Variants in PTPN13 observed in about 807,000 individuals in gnomAD.
PTPN13 encodes the protein protein tyrosine phosphatase non-receptor type 13, also known as tyrosine-protein phosphatase non-receptor type 13.
In PTPN13, 191 loss-of-function variants were observed where a neutral mutation model predicts 284.0. The observed-to-expected ratio is 0.67, with a 90% CI of 0.60 to 0.76. The LOEUF (loss-of-function observed/expected upper bound fraction) is 0.76, where lower values mean the gene tolerates loss of function less well. PTPN13 is among the 30% of genes least tolerant of loss of function. The pLI, the probability that PTPN13 is intolerant of heterozygous loss-of-function variation, is 0.00. For missense variants in PTPN13, 2,797 were observed against 2,939.9 expected, an observed-to-expected ratio of 0.95 and a Z score of 1.12; for synonymous variants, 986 against 1,022.3, an observed-to-expected ratio of 0.96 and a Z score of 0.68.
At chr4:86,624,168 G>A (rs568949186) in intron 1 of PTPN13, among the ~76,000 whole-genome samples, 1 of 152,090 alleles carries the variant, frequency 6.6e-6, no homozygotes, top group East Asian at 1.9e-4. Flanking sequence ...TGACTCTCTT[G>A]TAGCTTTATT....
At chr4:86,654,229 C>T (rs1725465294) in intron 2 of PTPN13, among the ~76,000 whole-genome samples, 1 of 152,116 alleles carries the variant, frequency 6.6e-6, no homozygotes, top group African/African-American at 2.4e-5. Flanking sequence ...ATCAATGAAT[C>T]CAGGAGCTGG....
At chr4:86,631,721 A>T (rs903577911) in intron 1 of PTPN13, among the ~76,000 whole-genome samples, 3 of 152,142 alleles carry the variant, frequency 2.0e-5, no homozygotes, top group African/African-American at 7.2e-5. Context: ...TTCGTACCCG[A>T]TTCAATCAAG....
At chr4:86,787,516 T>C (rs1742075644) in intron 40 of PTPN13, among the ~76,000 whole-genome samples, 1 of 151,152 alleles carries the variant, frequency 6.6e-6, no homozygotes, top group South Asian at 2.1e-4. Flanking sequence ...CCTTTGAACC[T>C]GGCAGACGGA....
chr4:86,684,427 T>C (rs1257628053), intron 3 of PTPN13, among the ~76,000 whole-genome samples: 1 of 152,128 alleles, frequency 6.6e-6, no homozygotes, highest in Admixed American at 6.6e-5. Flanking sequence ...GAAGGAGCGA[T>C]GACAGAAGAA....
intron 3 of PTPN13, among the ~76,000 whole-genome samples, chr4:86,674,928 T>C (rs1057291412): frequency 3.9e-5 from 6 of 152,198 alleles, no homozygotes; most frequent in Non-Finnish European, 7.4e-5. Flanking sequence ...GATTCGAACA[T>C]TGGAAATAGG....
intron 38 of PTPN13, among the ~76,000 whole-genome samples, 195 bp downstream of exon 38, chr4:86,784,753 T>A (rs1028267679): frequency 2.0e-5 from 3 of 152,116 alleles, no homozygotes; most frequent in African/African-American, 7.2e-5. Flanking sequence ...TAATTTTTTT[T>A]AAATGATTGA....
chr4:86,614,309 A>G (rs1720290820), intron 1 of PTPN13, among the ~76,000 whole-genome samples: 1 of 152,168 alleles, frequency 6.6e-6, no homozygotes, highest in African/African-American at 2.4e-5. Flanking sequence ...AGTTTAAATG[A>G]ATTGTTTTTA....
chr4:86,767,085 A>G (rs930933860), intron 27 of PTPN13, among the ~76,000 whole-genome samples: 2 of 151,276 alleles, frequency 1.3e-5, no homozygotes, highest in Non-Finnish European at 2.9e-5. Flanking sequence ...ATGCCTGGCT[A>G]GTTTATTTTT....
At chr4:86,633,626 C>T (rs1231814334) in intron 1 of PTPN13, among the ~76,000 whole-genome samples, 3 of 152,164 alleles carry the variant, frequency 2.0e-5, no homozygotes, top group African/African-American at 7.2e-5. Context: ...GCTATCTAAC[C>T]AGTTCTCAGA....
Position 86,805,267 on chromosome 4 carries a change from T to C in PTPN13, c.6655-12T>C. ...TTATCTCAACAAATTTATTTCCATG[T>C]TTTGCTTACAGAATCTTCAAGAATT... On this transcript the variant is annotated splice_polypyrimidine_tract_variant and intron_variant, in intron 43 of 47. Transcript: ENST00000411767. 6.5e-7 allele frequency: 1 copy of C among 1,533,542 alleles called. No homozygotes were observed. Among genetic ancestry groups the C allele is most frequent in the South Asian group, 1.2e-5 (1 of 84,396 alleles). 95.0% of individuals were successfully genotyped at this position (1,533,542 alleles called of 1,614,324 possible).
chr4:86,622,626 G>A (rs1721390413), intron 1 of PTPN13, among the ~76,000 whole-genome samples: 1 of 152,092 alleles, frequency 6.6e-6, no homozygotes, highest in Admixed American at 6.6e-5. Context: ...CTATTTAAAA[G>A]CCAAACCTAT....
At chr4:86,633,071 G>T (rs189858828) in intron 1 of PTPN13, among the ~76,000 whole-genome samples, 1 of 152,100 alleles carries the variant, frequency 6.6e-6, no homozygotes, top group East Asian at 1.9e-4. Flanking sequence ...CTCCCAAATT[G>T]CTGGGATTAC....
intron 15 of PTPN13, 124 bp from the exon 16 acceptor site, chr4:86,741,510 T>G: frequency 1.2e-6 from 1 of 817,838 alleles, no homozygotes; most frequent in Non-Finnish European, 1.9e-6. Flanking sequence ...GTCTCTCCCA[T>G]AACATGTGGG....
rs755552104 is a variant in PTPN13, at chr4:86,722,237, G to A, written c.1411G>A (p.Gly471Ser). ...PSRQYETPFE[G>S]NLINQEIMLK... ...CAGACAATATGAAACACCCTTTGAA[G>A]GCAACTTAATTAATCAAGAGATCAT... The change falls in exon 10 of 48, where the codon GGC becomes AGC. Residue 471 changes from glycine (G) to serine (S), a missense_variant. Coordinates refer to ENST00000411767, the MANE Select transcript of PTPN13 (RefSeq NM_080683.3). 6.2e-6 allele frequency: 10 copies of A among 1,613,602 alleles called. No homozygotes were observed. The highest frequency in any genetic ancestry group is 8.5e-6 in the Non-Finnish European group (10 of 1,179,668).
At chr4:86,595,470 A>G (rs569792978) in intron 1 of PTPN13, among the ~76,000 whole-genome samples, 6 of 152,304 alleles carry the variant, frequency 3.9e-5, no homozygotes, top group East Asian at 1.9e-4. Context: ...AAATTCTTAC[A>G]AAGTTTAATT....
At chr4:86,702,827 AG>A (rs1247801439) in intron 7 of PTPN13, among the ~76,000 whole-genome samples, 1 of 152,180 alleles carries the variant, frequency 6.6e-6, no homozygotes, top group Non-Finnish European at 1.5e-5. Flanking sequence ...CCTAGGACAT[AG>A]CTGATTAAAG....
At chr4:86,638,226 T>C (rs1723281265) in intron 2 of PTPN13, among the ~76,000 whole-genome samples, 1 of 151,502 alleles carries the variant, frequency 6.6e-6, no homozygotes, top group East Asian at 1.9e-4. Flanking sequence ...GTAGGAAGAG[T>C]CAATATCGTG....
chr4:86,751,433 C>T (rs1395916872), intron 19 of PTPN13, among the ~76,000 whole-genome samples: 1 of 152,138 alleles, frequency 6.6e-6, no homozygotes, highest in Non-Finnish European at 1.5e-5. Flanking sequence ...GTGATCCCCC[C>T]ACCTCAGCCT....
Position 86,734,857 on chromosome 4 carries a change from T to C in PTPN13, c.2133T>C (p.Tyr711=). The change falls in exon 14 of 48, where the codon TAT becomes TAC. Residue 711 remains tyrosine, a synonymous_variant. Coordinates refer to ENST00000411767, the MANE Select transcript of PTPN13 (RefSeq NM_080683.3). ...CATCCTTGGCTCTCCAGGCTGAGTA[T>C]GGAGATTATCAACCAGAGGTAGGAT... is the stretch of plus-strand genomic sequence containing the variant. ...LLASLALQAE[Y]GDYQPEVHGV... is the part of the protein sequence containing the mutation. The C allele has an allele frequency of 6.2e-7, 1 of 1,612,284 alleles. No homozygotes were observed. The highest frequency in any genetic ancestry group is 8.5e-7 in the Non-Finnish European group (1 of 1,178,708).
Sources: allele counts gnomAD v4.1 joint callset (sites outside exome capture counted in the v4.1 genomes callset), GRCh38; gene constraint gnomAD v4.1.1; transcripts MANE v1.5; gene names NCBI Gene and HGNC (gene_info 2026-07-23, HGNC 2026-07-21).